Variants in SPOCK1 observed in about 807,000 individuals in gnomAD.
SPOCK1 encodes the protein testican-1.
A neutral mutation model predicts 55.3 loss-of-function variants in SPOCK1; 23 were observed. The ratio of observed to expected loss-of-function variants is 0.42; its 90% CI spans 0.30 to 0.59. SPOCK1 has a LOEUF of 0.59. SPOCK1 is among the 20% of genes least tolerant of loss of function. The probability of loss-of-function intolerance (pLI) is 0.22; values close to 1 mark genes in which losing one functional copy is unlikely to be tolerated. For missense variants in SPOCK1, 499 were observed against 552.5 expected (o/e 0.90, Z 0.97); for synonymous variants, 226 against 221.0 (o/e 1.02, Z -0.20).
chr5:137,485,677 G>GC (rs1754039893), intron 2 of SPOCK1, among the ~76,000 whole-genome samples: 1 of 151,658 alleles, frequency 6.6e-6, no homozygotes, highest in Non-Finnish European at 1.5e-5. Context: ...AATATAACAG[G>GC]TAAATAAATT....
intron 3 of SPOCK1, among the ~76,000 whole-genome samples, chr5:137,172,410 T>C (rs1754769917): frequency 6.6e-6 from 1 of 152,174 alleles, no homozygotes; most frequent in Non-Finnish European, 1.5e-5. Context: ...AGTCACAATG[T>C]TTCCAATCTA....
intron 3 of SPOCK1, among the ~76,000 whole-genome samples, chr5:137,238,597 A>G (rs946296237): frequency 1.3e-5 from 2 of 152,244 alleles, no homozygotes; most frequent in African/African-American, 4.8e-5. Flanking sequence ...ATTGCACAAA[A>G]TCAGTAAATC....
intron 2 of SPOCK1, among the ~76,000 whole-genome samples, chr5:137,474,401 G>A (rs1184832668): frequency 6.6e-6 from 1 of 152,052 alleles, no homozygotes; most frequent in Non-Finnish European, 1.5e-5. Flanking sequence ...CTATTTTATG[G>A]AGTCTAATGG....
chr5:137,313,201 G>C (rs1411825006), intron 2 of SPOCK1, among the ~76,000 whole-genome samples: 2 of 152,192 alleles, frequency 1.3e-5, no homozygotes, highest in East Asian at 3.9e-4. Flanking sequence ...GCCCAGTGGA[G>C]ATGTGTGTGT....
intron 5 of SPOCK1, among the ~76,000 whole-genome samples, chr5:137,092,339 T>C (rs978617336): frequency 1.3e-5 from 2 of 152,220 alleles, no homozygotes; most frequent in African/African-American, 4.8e-5. Flanking sequence ...AGGGAAGGCA[T>C]TCCTGAGGAA....
At chr5:137,234,735 G>A (rs895527739) in intron 3 of SPOCK1, among the ~76,000 whole-genome samples, 3 of 152,172 alleles carry the variant, frequency 2.0e-5, no homozygotes, top group Non-Finnish European at 4.4e-5. Context: ...CCAAAGAAGA[G>A]TAGGGAAAGG....
At chr5:137,247,648 G>A (rs948391492) in intron 3 of SPOCK1, among the ~76,000 whole-genome samples, 2 of 152,104 alleles carry the variant, frequency 1.3e-5, no homozygotes, top group Non-Finnish European at 2.9e-5. Flanking sequence ...CCTGAGACTG[G>A]GTAATTTATA....
intron 3 of SPOCK1, among the ~76,000 whole-genome samples, chr5:137,195,444 A>T (rs1755279596): frequency 6.6e-6 from 1 of 152,222 alleles, no homozygotes. Flanking sequence ...TTTTGAAGAT[A>T]TCTTAACAAA....
chr5:137,356,830 T>TAGAG (rs1374423446), intron 2 of SPOCK1, among the ~76,000 whole-genome samples: 14 of 12,000 alleles, frequency 1.2e-3, no homozygotes, highest in Non-Finnish European at 1.8e-3. Context: ...TATATATATA[T>TAGAG]ATATATATAG....
At chr5:137,080,634 A>G (rs1752864619) in intron 5 of SPOCK1, among the ~76,000 whole-genome samples, 1 of 152,122 alleles carries the variant, frequency 6.6e-6, no homozygotes, top group African/African-American at 2.4e-5. Flanking sequence ...TCCCAGGCAC[A>G]CAGAACACAG....
chr5:137,179,383 A>G (rs1485115134), intron 3 of SPOCK1, among the ~76,000 whole-genome samples: 1 of 152,150 alleles, frequency 6.6e-6, no homozygotes, highest in Non-Finnish European at 1.5e-5. Context: ...ACATAATGCT[A>G]CCAATTAGTT....
chr5:137,071,893 A>T lies in SPOCK1; in HGVS notation c.475-4064T>A, dbSNP rs376405808. On this transcript the variant is annotated intron_variant, in intron 5 of 10. Coordinates refer to ENST00000394945, the MANE Select transcript of SPOCK1 (RefSeq NM_004598.4). Reference sequence around the variant, plus strand: ...AAAACCTGATCACCATTCCAGCTTTACACTAAGGACTCTATGTAAAGACTA... The same window carrying T: ...AAAACCTGATCACCATTCCAGCTTTTCACTAAGGACTCTATGTAAAGACTA... 9.9e-5 allele frequency among the ~76,000 whole-genome samples: 15 copies of T among 152,240 alleles called. 1 individual carries two copies. The highest frequency in any genetic ancestry group is 3.4e-4 in the African/African-American group (14 of 41,466).
intron 3 of SPOCK1, among the ~76,000 whole-genome samples, chr5:137,218,465 T>G (rs1755760590): frequency 6.6e-6 from 1 of 152,262 alleles, no homozygotes; most frequent in Non-Finnish European, 1.5e-5. Flanking sequence ...TGCTTTGTTC[T>G]GATTGAAATG....
intron 2 of SPOCK1, among the ~76,000 whole-genome samples, chr5:137,341,813 G>A (rs186439453): frequency 2.2e-4 from 33 of 152,310 alleles, no homozygotes; most frequent in African/African-American, 7.2e-4. Context: ...GCTAATCCCA[G>A]GAGAAAATCA....
In SPOCK1 at chr5:137,429,725, T is replaced by C. The variant is rs544948495; in HGVS notation, c.186+68648A>G. On this transcript the variant is annotated intron_variant, in intron 2 of 10. Transcript: ENST00000394945. The stretch of plus-strand genomic sequence containing the variant: ...CCTGGACTCTTAATCCACAGTTCAA[T>C]CCTTAGCCCATACTGATACTGAAGT... 3.1e-4 allele frequency among the ~76,000 whole-genome samples: 47 copies of C among 152,352 alleles called. No individual in the cohort carries two copies. In the East Asian group the frequency reaches 5.8e-3, roughly 19 times the overall value.
Position 137,315,377 on chromosome 5 carries a change from A to C in SPOCK1, c.187-48322T>G, listed in dbSNP as rs2127144276. 2.0e-5 allele frequency among the ~76,000 whole-genome samples: 3 copies of C among 152,292 alleles called. No individual in the cohort carries two copies. The Middle Eastern group carries it at 0.01, about 518-fold the overall frequency. On this transcript the variant is annotated intron_variant, in intron 2 of 10. Transcript: ENST00000394945. ...AACTCTGAACCACGTATGGCGATGG[A>C]TAGAGAATACAGGTTCAGCAAACTT...
intron 2 of SPOCK1, among the ~76,000 whole-genome samples, chr5:137,488,071 C>T (rs1276108407): frequency 2.0e-5 from 3 of 152,132 alleles, no homozygotes; most frequent in Admixed American, 6.5e-5. Flanking sequence ...CTGAGAACTA[C>T]CTACATCAGA....
intron 3 of SPOCK1, among the ~76,000 whole-genome samples, chr5:137,238,074 T>G (rs894855429): frequency 6.6e-6 from 1 of 152,202 alleles, no homozygotes; most frequent in African/African-American, 2.4e-5. Context: ...CTGGTTCACC[T>G]CTTCAAAATA....
intron 3 of SPOCK1, among the ~76,000 whole-genome samples, chr5:137,151,301 T>C (rs562763750): frequency 2.4e-4 from 37 of 152,270 alleles, no homozygotes; most frequent in African/African-American, 8.7e-4. Flanking sequence ...CTAGAACTTA[T>C]TTATATTAAG....
Sources: gnomAD v4.1 joint callset for allele counts (sites outside exome capture counted in the v4.1 genomes callset) on GRCh38, gnomAD v4.1.1 for gene constraint, MANE v1.5 for transcripts, NCBI Gene and HGNC (gene_info 2026-07-23, HGNC 2026-07-21) for gene names.